Variants in METAP1 observed in about 807,000 individuals in gnomAD.
The protein encoded by METAP1 is methionine aminopeptidase 1.
In METAP1, 28 loss-of-function variants were observed where a neutral mutation model predicts 53.8. The observed-to-expected ratio is 0.52, with a 90% CI of 0.39 to 0.71. METAP1 has a LOEUF of 0.71. Ranked by LOEUF, METAP1 falls within the 30% of genes least tolerant of loss-of-function variation. METAP1 has a pLI of 0.00. For missense variants in METAP1, 389 were observed against 479.8 expected (o/e 0.81, Z 1.77); for synonymous variants, 181 against 165.7 (o/e 1.09, Z -0.71).
At chr4:99,004,812 T>C (rs2110278469) in intron 1 of METAP1, among the ~76,000 whole-genome samples, 1 of 152,364 alleles carries the variant, frequency 6.6e-6, no homozygotes, top group Admixed American at 6.5e-5. Flanking sequence ...TGTTTGTCAT[T>C]ATGTTCCTGA....
At chr4:99,041,262 G>C (rs1288913201) in intron 6 of METAP1, 136 bp downstream of exon 6, 2 of 477,542 alleles carry the variant, frequency 4.2e-6, no homozygotes, top group Non-Finnish European at 7.4e-6. Flanking sequence ...TTTTTGCTTT[G>C]TTTCAAATAT....
Position 99,039,359 on chromosome 4 carries a change from G to A in METAP1, c.341-15G>A, listed in dbSNP as rs772155185. ...TGCATTCATTTTGGTTTTACTTACCGAATTTTCATTCCAGGAATGTCTGAA... is the reference window on the plus strand; with the variant it reads ...TGCATTCATTTTGGTTTTACTTACCAAATTTTCATTCCAGGAATGTCTGAA... On this transcript the variant is annotated splice_polypyrimidine_tract_variant and intron_variant, in intron 4 of 10. Coordinates refer to ENST00000296411, the MANE Select transcript of METAP1 (RefSeq NM_015143.3). 11 of 1,565,324 alleles carry A rather than the reference G, an allele frequency of 7.0e-6. No individual in the cohort carries two copies. The highest frequency in any genetic ancestry group is 3.5e-5 in the Admixed American group (2 of 57,762).
chr4:99,013,408 C>G (rs1723579748), intron 1 of METAP1, among the ~76,000 whole-genome samples: 1 of 152,062 alleles, frequency 6.6e-6, no homozygotes, highest in East Asian at 1.9e-4. Flanking sequence ...GGCATTATTC[C>G]CCTAGTTGGA....
chr4:99,018,526 C>T (rs529125748), intron 1 of METAP1, among the ~76,000 whole-genome samples: 1 of 152,246 alleles, frequency 6.6e-6, no homozygotes, highest in Non-Finnish European at 1.5e-5. Context: ...GGGGGTCCTC[C>T]CATTTGAATG....
intron 1 of METAP1, among the ~76,000 whole-genome samples, chr4:99,001,421 A>T (rs1366788686): frequency 2.0e-5 from 3 of 152,232 alleles, no homozygotes; most frequent in Admixed American, 1.3e-4. Flanking sequence ...TTACCCAGAG[A>T]TGATTTCTAT....
At chr4:99,057,677 G>A in intron 9 of METAP1, 76 bp from the exon 10 acceptor site, 1 of 1,031,660 alleles carries the variant, frequency 9.7e-7, no homozygotes, top group Non-Finnish European at 1.4e-6. Context: ...TTTGAGTTAT[G>A]TACTCTTTCT....
intron 1 of METAP1, among the ~76,000 whole-genome samples, chr4:99,003,823 G>A (rs1049708983): frequency 2.0e-5 from 3 of 152,134 alleles, no homozygotes; most frequent in African/African-American, 7.2e-5. Context: ...TTCTGCAGTG[G>A]ACACCAACTG....
intron 1 of METAP1, chr4:99,022,663 G>T (rs955710922): frequency 8.5e-7 from 1 of 1,180,498 alleles, no homozygotes; most frequent in Non-Finnish European, 1.2e-6. Context: ...CAAGGTGCTC[G>T]CTGTGGTGGG....
At chr4:99,049,020 G>A in intron 9 of METAP1, 144 bp downstream of exon 9, 10 of 1,048,260 alleles carry the variant, frequency 9.5e-6, no homozygotes, top group Non-Finnish European at 1.4e-5. Flanking sequence ...TGTATTTGCT[G>A]AAACACAGTG....
At chr4:99,016,456 A>AC (rs1723772118) in intron 1 of METAP1, among the ~76,000 whole-genome samples, 1 of 152,132 alleles carries the variant, frequency 6.6e-6, no homozygotes, top group African/African-American at 2.4e-5. Flanking sequence ...TATGTCCAGC[A>AC]CCTGGGCCAG....
At chr4:99,026,911 A>G (rs1724602596) in intron 1 of METAP1, 1 of 897,322 alleles carries the variant, frequency 1.1e-6, no homozygotes, top group Non-Finnish European at 1.3e-6. Flanking sequence ...TTATGCTCAT[A>G]TATCTTGAAA....
At chr4:99,018,001 T>C (rs191469906) in intron 1 of METAP1, among the ~76,000 whole-genome samples, 15 of 152,284 alleles carry the variant, frequency 9.9e-5, no homozygotes, top group African/African-American at 3.6e-4. Flanking sequence ...TTAATCATGC[T>C]TTTAATTCAT....
Position 99,045,184 on chromosome 4 carries a change from A to G in METAP1, c.661A>G (p.Ile221Val), listed in dbSNP as rs924547022. The G allele has an allele frequency of 6.2e-7, 1 of 1,613,268 alleles. No individual in the cohort carries two copies. The highest frequency in any genetic ancestry group is 8.5e-7 in the Non-Finnish European group (1 of 1,179,438). The change falls in exon 8 of 11, where the codon ATC (isoleucine) becomes GTC (valine). Residue 221 changes from isoleucine (I) to valine (V), a missense_variant. Ile to Val is a conservative substitution (Grantham distance 29). Transcript: ENST00000296411. Reference protein sequence around the residue: ...LQEGDIVNVDITLYRNGYHGD... With the variant: ...LQEGDIVNVDVTLYRNGYHGD... Reference sequence around the variant, plus strand: ...ATTTGCACATTCTCTTGCAGTGGATATCACTCTTTATCGCAATGGTTATCA... The same window carrying G: ...ATTTGCACATTCTCTTGCAGTGGATGTCACTCTTTATCGCAATGGTTATCA...
At chr4:99,029,428 A>G (rs963398227) in intron 2 of METAP1, among the ~76,000 whole-genome samples, 2 of 152,212 alleles carry the variant, frequency 1.3e-5, no homozygotes, top group Non-Finnish European at 2.9e-5. Context: ...AAGTAAAACT[A>G]TTAGCTGCTC....
intron 1 of METAP1, among the ~76,000 whole-genome samples, chr4:99,012,652 GTTTTTTTTTTTTTTTT>G (rs78437310): frequency 1.1e-5 from 1 of 90,362 alleles, no homozygotes; most frequent in Non-Finnish European, 2.2e-5. Flanking sequence ...ATCCCATAAA[GTTTTTTTTTTTTTTTT>G]TTTTTTTTTT....
At chr4:99,034,618 T>C (rs1725295805) in intron 3 of METAP1, among the ~76,000 whole-genome samples, 1 of 152,106 alleles carries the variant, frequency 6.6e-6, no homozygotes, top group African/African-American at 2.4e-5. Context: ...ATGATGGTAG[T>C]GTGTACAGTC....
intron 9 of METAP1, among the ~76,000 whole-genome samples, chr4:99,053,532 C>A (rs976840641): frequency 6.6e-6 from 1 of 152,200 alleles, no homozygotes; most frequent in African/African-American, 2.4e-5. Context: ...GGATTACAGG[C>A]GTGTGCCACC....
intron 1 of METAP1, among the ~76,000 whole-genome samples, chr4:99,019,895 C>T (rs1723983360): frequency 6.6e-6 from 1 of 152,172 alleles, no homozygotes; most frequent in African/African-American, 2.4e-5. Context: ...CTAAAAAGTG[C>T]ATAGGTCCCT....
At chr4:99,049,421 G>T (rs1410086662) in intron 9 of METAP1, among the ~76,000 whole-genome samples, 2 of 152,196 alleles carry the variant, frequency 1.3e-5, no homozygotes, top group Non-Finnish European at 2.9e-5. Flanking sequence ...TTCCTTAGGT[G>T]AAGTCAGTTC....
Sources: allele counts gnomAD v4.1 joint callset (sites outside exome capture counted in the v4.1 genomes callset), GRCh38; gene constraint gnomAD v4.1.1; transcripts MANE v1.5; gene names NCBI Gene and HGNC (gene_info 2026-07-23, HGNC 2026-07-21).